CELF2: variants seen among roughly 807,000 people sequenced by gnomAD.
The protein encoded by CELF2 is CUG triplet repeat RNA-binding protein 2.
Under a neutral mutation model 62.6 loss-of-function variants are expected in CELF2, and 8 were observed. The ratio of observed to expected loss-of-function variants is 0.13; its 90% CI spans 0.07 to 0.23. CELF2 has a LOEUF of 0.23. Ranked by LOEUF, CELF2 falls within the 10% of genes least tolerant of loss-of-function variation. The pLI, the probability that CELF2 is intolerant of heterozygous loss-of-function variation, is 1.00. For synonymous variants in CELF2, 258 were observed against 250.0 expected, an observed-to-expected ratio of 1.03 and a Z score of -0.30; for missense variants, 333 against 671.0, an observed-to-expected ratio of 0.50 and a Z score of 5.56.
intron 2 of CELF2, among the ~76,000 whole-genome samples, chr10:10,989,461 C>T (rs1049511856): frequency 2.6e-5 from 4 of 151,976 alleles, no homozygotes; most frequent in African/African-American, 9.7e-5. Flanking sequence ...GGGAAAAGGA[C>T]TGCATCATAA....
the CELF2 span, among the ~76,000 whole-genome samples, chr10:10,682,352 G>A: frequency 6.6e-6 from 1 of 152,136 alleles, no homozygotes. Context: ...TTGCTTCACC[G>A]TTTTTCTTAA....
In CELF2 at chr10:11,270,789, A is replaced by G; in HGVS notation, c.742A>G (p.Thr248Ala). The change falls in exon 7 of 13, where the codon ACA (threonine) becomes GCA (alanine). Residue 248 changes from threonine (T) to alanine (A), a missense_variant. Thr to Ala is a moderately conservative substitution (Grantham distance 58). This residue lies in a region of CELF2 where 253 missense variants were observed against 503.0 expected (regional missense o/e 0.50). Transcript: ENST00000633077. This position sits in a 1 kb window ranked among gnomAD's most constrained non-coding sequence, Gnocchi z 5.8. ...QLNTATWGNLTGLGGLTPQYL... is the reference protein window; with the variant it reads ...QLNTATWGNLAGLGGLTPQYL... ...CAACACTGCCACCTGGGGGAACCTG[A>G]CAGGGCTGGGCGGACTGACCCCACA... 1 of 1,530,868 alleles carries G rather than the reference A, an allele frequency of 6.5e-7. No homozygotes were observed. Among genetic ancestry groups the G allele is most frequent in the Non-Finnish European group, 8.8e-7 (1 of 1,133,676 alleles). The allele number at this position is 1,530,868 out of a possible 1,614,324, so 94.8% of individuals were successfully genotyped here.
At chr10:10,960,847 C>G (rs1341661967) in intron 2 of CELF2, among the ~76,000 whole-genome samples, 1 of 152,144 alleles carries the variant, frequency 6.6e-6, no homozygotes, top group African/African-American at 2.4e-5. Flanking sequence ...TGGGCATTAG[C>G]TTTGTACATT....
intron 1 of CELF2, among the ~76,000 whole-genome samples, chr10:10,856,586 T>G (rs1355142824): frequency 2.0e-5 from 3 of 152,208 alleles, no homozygotes; most frequent in Non-Finnish European, 4.4e-5. Context: ...CATAATATTT[T>G]TTACTTTATT....
At chr10:10,547,692 AGTGTGT>A in the CELF2 span, among the ~76,000 whole-genome samples, 92 of 138,094 alleles carry the variant, frequency 6.7e-4, no homozygotes, top group Admixed American at 1.1e-3. Flanking sequence ...AGAGAGAGAG[AGTGTGT>A]GTGTGTGTGT....
At chr10:10,547,100 CTG>C in the CELF2 span, among the ~76,000 whole-genome samples, 1 of 152,106 alleles carries the variant, frequency 6.6e-6, no homozygotes, top group African/African-American at 2.4e-5. Flanking sequence ...GAGTGAGACT[CTG>C]TCTTAAAAAA....
At chr10:10,951,196 G>A (rs926271031) in intron 2 of CELF2, among the ~76,000 whole-genome samples, 1 of 152,140 alleles carries the variant, frequency 6.6e-6, no homozygotes, top group African/African-American at 2.4e-5. Context: ...TGTTGCCCAG[G>A]CTGGAGATAC....
intron 1 of CELF2, among the ~76,000 whole-genome samples, chr10:10,875,398 G>C (rs1354042872): frequency 1.3e-5 from 2 of 152,124 alleles, no homozygotes; most frequent in African/African-American, 4.8e-5. Flanking sequence ...TTTCAGAGGG[G>C]ATTTTTATAT....
At position 10,938,915 on chromosome 10, in the gene CELF2, C is replaced by T. The variant is rs1389796031; in HGVS notation, c.89+18916C>T. On this transcript the variant is annotated intron_variant, in intron 2 of 13. Transcript: ENST00000636488. This position sits in a 1 kb window ranked among gnomAD's most constrained non-coding sequence, Gnocchi z 4.2. ...CCCCAGGGGTGTTTGCTCTTGTGTG[C>T]ATCTGTCTTTCTCCATGCCTAGGCC... Among the ~76,000 whole-genome samples, 1 of 152,176 alleles carries T rather than the reference C, an allele frequency of 6.6e-6. No individual in the cohort carries two copies. Among genetic ancestry groups the T allele is most frequent in the Non-Finnish European group, 1.5e-5 (1 of 68,036 alleles).
the CELF2 span, among the ~76,000 whole-genome samples, chr10:10,666,882 A>C: frequency 1.3e-5 from 1 of 74,418 alleles, no homozygotes; most frequent in Non-Finnish European, 2.6e-5. Flanking sequence ...AAAAAAAAGA[A>C]AAAAAAAAAG....
the CELF2 span, among the ~76,000 whole-genome samples, chr10:10,693,926 C>T: frequency 2.0e-5 from 3 of 151,884 alleles, no homozygotes; most frequent in Admixed American, 6.6e-5. Context: ...GTCTTGCTAG[C>T]AATCTACCTA....
chr10:11,197,074 A>AGAAAGAAAGAAAGAAAAGAAAGAAAG (rs1565234637), intron 2 of CELF2, among the ~76,000 whole-genome samples: 2 of 141,496 alleles, frequency 1.4e-5, no homozygotes. Flanking sequence ...AAGAAAGGAA[A>AGAAAGAAAGAAAGAAAAGAAAGAAAG]GAAAGAAAGA....
the CELF2 span, among the ~76,000 whole-genome samples, chr10:10,654,945 G>A: frequency 2.1e-5 from 3 of 143,654 alleles, no homozygotes; most frequent in East Asian, 2.0e-4. Flanking sequence ...GTTTGCAGAC[G>A]ACATGATTGT....
chr10:10,543,935 G>A, the CELF2 span, among the ~76,000 whole-genome samples: 1 of 152,180 alleles, frequency 6.6e-6, no homozygotes, highest in African/African-American at 2.4e-5. Context: ...CGCCCCTAAT[G>A]AGATATGGCT....
the CELF2 span, among the ~76,000 whole-genome samples, chr10:10,715,335 C>G: frequency 6.6e-6 from 1 of 152,090 alleles, no homozygotes; most frequent in Non-Finnish European, 1.5e-5. Flanking sequence ...ATCTTCCTAC[C>G]CTTAAGTTAG....
At chr10:10,672,604 A>G in the CELF2 span, among the ~76,000 whole-genome samples, 1 of 151,006 alleles carries the variant, frequency 6.6e-6, no homozygotes, top group Non-Finnish European at 1.5e-5. Context: ...ATCAGTTGCT[A>G]TGTTTATGTA....
intron 2 of CELF2, among the ~76,000 whole-genome samples, chr10:10,926,777 G>T (rs2065512311): frequency 6.6e-6 from 1 of 152,188 alleles, no homozygotes; most frequent in Non-Finnish European, 1.5e-5. Context: ...AGGAGTCGGG[G>T]TAAGGGGAGA....
At chr10:10,691,834 G>A in the CELF2 span, among the ~76,000 whole-genome samples, 10 of 146,552 alleles carry the variant, frequency 6.8e-5, no homozygotes, top group Non-Finnish European at 1.2e-4. Flanking sequence ...CATGTCCTTC[G>A]CCCACTTTTT....
chr10:10,644,237 A>T, the CELF2 span, among the ~76,000 whole-genome samples: 1 of 152,214 alleles, frequency 6.6e-6, no homozygotes, highest in East Asian at 1.9e-4. Context: ...AATCTCATTT[A>T]TCTTCTGCTT....
Sources: allele counts gnomAD v4.1 joint callset (sites outside exome capture counted in the v4.1 genomes callset), GRCh38; gene constraint gnomAD v4.1.1; regional missense constraint gnomAD v4.1.1; non-coding constraint Gnocchi (gnomAD v3.1); transcripts MANE v1.5; gene names NCBI Gene and HGNC (gene_info 2026-07-23, HGNC 2026-07-21).